PLXDC2: variants seen among roughly 807,000 people sequenced by gnomAD.
The protein encoded by PLXDC2 is plexin domain-containing protein 2.
A neutral mutation model predicts 68.9 loss-of-function variants in PLXDC2; 40 were observed. That is an observed-to-expected ratio of 0.58 (90% CI 0.45 to 0.76). PLXDC2 has a LOEUF of 0.76. Ranked by LOEUF, PLXDC2 falls within the 30% of genes least tolerant of loss-of-function variation. The pLI is 0.00. For missense variants in PLXDC2, 644 were observed against 661.9 expected (o/e 0.97, Z 0.30); for synonymous variants, 243 against 234.2 (o/e 1.04, Z -0.34).
At chr10:19,946,451 C>G (rs2131402502) in intron 1 of PLXDC2, among the ~76,000 whole-genome samples, 1 of 152,060 alleles carries the variant, frequency 6.6e-6, no homozygotes, top group Non-Finnish European at 1.5e-5. Context: ...TTCCCAGAAC[C>G]TGTGACTCTG....
Position 20,279,798 on chromosome 10 carries a change from T to C in PLXDC2, c.1569T>C (p.Phe523=). The change falls in exon 14 of 14, where the codon TTT becomes TTC. Residue 523 remains phenylalanine, a synonymous_variant. Coordinates refer to ENST00000377252, the MANE Select transcript of PLXDC2 (RefSeq NM_032812.9). ...AACCAGTTGGAGAGAAAGAAGGCTT[T>C]ATTGTATCAGAGCAGTGCTAAAATT... ...EVEPVGEKEG[F]IVSEQC 1 of 1,613,944 alleles carries C rather than the reference T, an allele frequency of 6.2e-7. No individual in the cohort carries two copies. The highest frequency in any genetic ancestry group is 8.5e-7 in the Non-Finnish European group (1 of 1,179,876).
At chr10:20,202,782 A>T (rs572364064) in intron 9 of PLXDC2, among the ~76,000 whole-genome samples, 1 of 152,282 alleles carries the variant, frequency 6.6e-6, no homozygotes, top group East Asian at 1.9e-4. Flanking sequence ...ATTTTAAGAA[A>T]TTTTTAAAAT....
chr10:20,006,616 A>G (rs1420443806), intron 2 of PLXDC2, among the ~76,000 whole-genome samples: 1 of 152,230 alleles, frequency 6.6e-6, no homozygotes, highest in Non-Finnish European at 1.5e-5. Flanking sequence ...AACCAACACA[A>G]GACAATAGCA....
At chr10:20,212,725 A>T (rs563845462) in intron 10 of PLXDC2, among the ~76,000 whole-genome samples, 1 of 152,158 alleles carries the variant, frequency 6.6e-6, no homozygotes, top group Non-Finnish European at 1.5e-5. Flanking sequence ...AACATTCTTG[A>T]ACTTTAAATG....
intron 1 of PLXDC2, among the ~76,000 whole-genome samples, chr10:19,866,692 G>A (rs969631749): frequency 1.3e-5 from 2 of 152,308 alleles, no homozygotes; most frequent in East Asian, 1.9e-4. Context: ...ATGGTCCCAA[G>A]CAAGGAGAAT....
At position 20,218,963 on chromosome 10, in the gene PLXDC2, G is replaced by A. The variant is rs1835175353; in HGVS notation, c.1274-101G>A. On this transcript the variant is annotated intron_variant, in intron 11 of 13. Coordinates refer to ENST00000377252, the MANE Select transcript of PLXDC2 (RefSeq NM_032812.9). ...CAATAAATTATCAAAATCTAGTCAT[G>A]TTCCGACCAAGGCAGTTAGTAGACA... 3 of 1,287,592 alleles carry A rather than the reference G, an allele frequency of 2.3e-6. No individual in the cohort carries two copies. In the Admixed American group the frequency reaches 6.8e-5, roughly 29 times the overall value. 79.8% of individuals were successfully genotyped at this position (1,287,592 alleles called of 1,614,324 possible).
chr10:19,870,518 C>T (rs763946482), intron 1 of PLXDC2, among the ~76,000 whole-genome samples: 10 of 152,014 alleles, frequency 6.6e-5, no homozygotes, highest in African/African-American at 1.5e-4. Flanking sequence ...CTCTGCCTCC[C>T]GGGTTCAAGT....
At chr10:19,976,491 G>A (rs1488588992) in intron 1 of PLXDC2, among the ~76,000 whole-genome samples, 1 of 152,200 alleles carries the variant, frequency 6.6e-6, no homozygotes, top group African/African-American at 2.4e-5. Context: ...GGGATTACAG[G>A]CGTGAGCCAC....
chr10:20,033,200 AT>A (rs1038319533), intron 2 of PLXDC2, among the ~76,000 whole-genome samples: 334 of 145,988 alleles, frequency 2.3e-3, no homozygotes, highest in Non-Finnish European at 3.9e-3. Flanking sequence ...ATATAAAAAA[AT>A]AAAATAAAAA....
intron 12 of PLXDC2, among the ~76,000 whole-genome samples, chr10:20,220,975 T>C (rs1835203606): frequency 6.6e-6 from 1 of 151,662 alleles, no homozygotes; most frequent in South Asian, 2.1e-4. Context: ...CCTGAGCAGC[T>C]GGGATTACAG....
chr10:20,026,181 C>T (rs1331215466), intron 2 of PLXDC2, among the ~76,000 whole-genome samples: 1 of 130,100 alleles, frequency 7.7e-6, no homozygotes, highest in Admixed American at 7.9e-5. Flanking sequence ...AACTTAATGC[C>T]TATGTTCTCC....
chr10:20,285,090 A>G lies in PLXDC2; in HGVS notation c.*5271A>G, dbSNP rs1022086123. On this transcript the variant is annotated 3_prime_UTR_variant, in exon 14 of 14. Coordinates refer to ENST00000377252, the MANE Select transcript of PLXDC2 (RefSeq NM_032812.9). ...ATATTTGAAAATGAATGATCTATAT[A>G]GCTGATTTTCTGACCACATATATAA... 4 of 152,232 alleles carry G rather than the reference A, an allele frequency of 2.6e-5. No homozygotes were observed. The highest frequency in any genetic ancestry group is 9.6e-5 in the African/African-American group (4 of 41,454). 9.4% of individuals were successfully genotyped at this position (152,232 alleles called of 1,614,324 possible).
intron 4 of PLXDC2, among the ~76,000 whole-genome samples, chr10:20,070,133 T>C (rs1836290770): frequency 6.6e-6 from 1 of 152,184 alleles, no homozygotes; most frequent in South Asian, 2.1e-4. Context: ...CCAAAAAATG[T>C]GGCATGTTAA....
chr10:20,009,513 T>C (rs11011734), intron 2 of PLXDC2, among the ~76,000 whole-genome samples: 18,917 of 151,926 alleles, frequency 0.12, 1,358 homozygotes, highest in South Asian at 0.18. Context: ...TCCAAGTGTA[T>C]TGAAATCTTC....
intron 4 of PLXDC2, among the ~76,000 whole-genome samples, chr10:20,082,887 A>G (rs1836595423): frequency 6.6e-6 from 1 of 152,168 alleles, no homozygotes; most frequent in African/African-American, 2.4e-5. Context: ...ATGTATGCCT[A>G]TTTAAAAAAA....
chr10:20,226,245 A>G (rs369873993), intron 12 of PLXDC2, among the ~76,000 whole-genome samples: 7 of 152,140 alleles, frequency 4.6e-5, no homozygotes, highest in African/African-American at 1.4e-4. Context: ...TATCCATTAT[A>G]CCTCCTAACT....
chr10:19,877,072 G>A (rs965337622), intron 1 of PLXDC2, among the ~76,000 whole-genome samples: 9 of 152,242 alleles, frequency 5.9e-5, no homozygotes, highest in East Asian at 1.9e-4. Flanking sequence ...GCATTTCACC[G>A]AATATAAATT....
At chr10:20,003,403 T>G (rs1280685880) in intron 2 of PLXDC2, among the ~76,000 whole-genome samples, 1 of 152,050 alleles carries the variant, frequency 6.6e-6, no homozygotes, top group Non-Finnish European at 1.5e-5. Flanking sequence ...ATGGCAAACC[T>G]GGAGGTAGGC....
intron 1 of PLXDC2, among the ~76,000 whole-genome samples, chr10:19,934,340 T>G (rs999682832): frequency 1.3e-5 from 2 of 152,230 alleles, no homozygotes; most frequent in African/African-American, 4.8e-5. Context: ...TCTCAGGTCC[T>G]TTTTTAGACC....
Sources: allele counts gnomAD v4.1 joint callset (sites outside exome capture counted in the v4.1 genomes callset), GRCh38; gene constraint gnomAD v4.1.1; transcripts MANE v1.5; gene names NCBI Gene and HGNC (gene_info 2026-07-23, HGNC 2026-07-21).